FILIP1: variants seen among roughly 807,000 people sequenced by gnomAD.
FILIP1 encodes the protein filamin-A-interacting protein 1.
Under a neutral mutation model 102.1 loss-of-function variants are expected in FILIP1, and 61 were observed. The observed-to-expected ratio is 0.60, with a 90% CI of 0.49 to 0.74. The LOEUF is 0.74. Ranked by LOEUF, FILIP1 falls within the 30% of genes least tolerant of loss-of-function variation. The probability of loss-of-function intolerance (pLI) is 0.00; values close to 1 mark genes in which losing one functional copy is unlikely to be tolerated. For missense variants in FILIP1, 1,314 were observed against 1,441.2 expected (o/e 0.91, Z 1.43); for synonymous variants, 491 against 526.9 (o/e 0.93, Z 0.93).
intron 1 of FILIP1, among the ~76,000 whole-genome samples, chr6:75,435,335 T>G (rs1027626762): frequency 1.3e-5 from 2 of 152,220 alleles, no homozygotes; most frequent in African/African-American, 4.8e-5. Flanking sequence ...TACAGATTTG[T>G]TCACTTTTCT....
At chr6:75,353,799 G>T (rs527691659) in intron 3 of FILIP1, 82 bp from the exon 4 acceptor site, 1 of 1,384,798 alleles carries the variant, frequency 7.2e-7, no homozygotes, top group African/African-American at 1.4e-5. Flanking sequence ...CATGGGTCTA[G>T]TGACTTATTA....
At chr6:75,421,493 C>A (rs1002298940) in intron 1 of FILIP1, among the ~76,000 whole-genome samples, 1 of 152,096 alleles carries the variant, frequency 6.6e-6, no homozygotes, top group Non-Finnish European at 1.5e-5. Flanking sequence ...CCGCAAGATT[C>A]AACCGGATCC....
At chr6:75,315,384 G>T (rs1773409017) in intron 4 of FILIP1, among the ~76,000 whole-genome samples, 182 bp from the exon 5 acceptor site, 1 of 152,126 alleles carries the variant, frequency 6.6e-6, no homozygotes, top group African/African-American at 2.4e-5. Context: ...TACCCTTAGG[G>T]GTAGTGGCTA....
At position 75,438,013 on chromosome 6, in the gene FILIP1, C is replaced by T. The variant is rs1422389454; in HGVS notation, c.-6-23035G>A. Among the ~76,000 whole-genome samples the T allele has an allele frequency of 5.9e-5, 9 of 152,138 alleles. 1 individual carries two copies. The highest frequency in any genetic ancestry group is 7.4e-5 in the Non-Finnish European group (5 of 68,026). ...GCCCTGTGTATCACGGCTGTCTCAG[C>T]CAAACTGCATTGTAACAACTCCTGC... is the stretch of plus-strand genomic sequence containing the variant. On this transcript the variant is annotated intron_variant, in intron 1 of 5. Transcript: ENST00000237172.
At position 75,425,792 on chromosome 6, in the gene FILIP1, T is replaced by C. The variant is rs1777607357; in HGVS notation, c.-6-10814A>G. 2.6e-5 allele frequency among the ~76,000 whole-genome samples: 4 copies of C among 152,134 alleles called. No individual in the cohort carries two copies. The South Asian group carries it at 8.3e-4, about 32-fold the overall frequency. ...TGTGAAATCATAATGCCTGTTCTAC[T>C]CTCCATATGTATGTGAAAGTATTTA... On this transcript the variant is annotated intron_variant, in intron 1 of 5. Transcript: ENST00000237172.
intron 4 of FILIP1, among the ~76,000 whole-genome samples, chr6:75,318,442 C>T (rs1773520216): frequency 6.6e-6 from 1 of 151,868 alleles, no homozygotes; most frequent in South Asian, 2.1e-4. Context: ...CCCGATGTCA[C>T]CTAGGCTGGT....
At chr6:75,440,365 A>G (rs1049236335) in intron 1 of FILIP1, among the ~76,000 whole-genome samples, 7 of 152,218 alleles carry the variant, frequency 4.6e-5, no homozygotes, top group African/African-American at 7.2e-5. Flanking sequence ...TGGCAAATCA[A>G]TTAGGTTTAC....
chr6:75,375,915 T>G (rs946167817), intron 2 of FILIP1, among the ~76,000 whole-genome samples: 5 of 152,178 alleles, frequency 3.3e-5, no homozygotes, highest in African/African-American at 1.2e-4. Context: ...TTCTGAACTT[T>G]TGAGGAATGT....
At chr6:75,355,026 G>C (rs1774943026) in intron 3 of FILIP1, among the ~76,000 whole-genome samples, 1 of 152,184 alleles carries the variant, frequency 6.6e-6, no homozygotes, top group East Asian at 1.9e-4. Context: ...CGGGCGCAAA[G>C]GCTCATGCCC....
chr6:75,326,126 TAC>T lies in FILIP1; in HGVS notation c.630-10926_630-10925del, dbSNP rs766233320. 6.1e-3 allele frequency among the ~76,000 whole-genome samples: 916 copies of T among 149,622 alleles called. 2 individuals are homozygous for T. The highest frequency in any genetic ancestry group is 0.011 in the Admixed American group (167 of 15,070). ...AGATAGATAGAGAGATAGATAGATA[TAC>T]ACACACACACACACACACATCATGA... is the stretch of plus-strand genomic sequence containing the variant. On this transcript the variant is annotated intron_variant, in intron 4 of 5. Coordinates refer to ENST00000237172, the MANE Select transcript of FILIP1 (RefSeq NM_015687.5).
At chr6:75,376,051 A>AT (rs1027283669) in intron 2 of FILIP1, among the ~76,000 whole-genome samples, 1 of 152,218 alleles carries the variant, frequency 6.6e-6, no homozygotes, top group African/African-American at 2.4e-5. Flanking sequence ...CCACTTAAAA[A>AT]ATATATAAGG....
chr6:75,446,876 C>G (rs975302665), intron 1 of FILIP1, among the ~76,000 whole-genome samples: 1 of 152,140 alleles, frequency 6.6e-6, no homozygotes, highest in Non-Finnish European at 1.5e-5. Context: ...CCTGAGCTGG[C>G]TAATTGAGCC....
intron 2 of FILIP1, among the ~76,000 whole-genome samples, chr6:75,404,409 A>G (rs1391603586): frequency 1.3e-5 from 2 of 151,926 alleles, no homozygotes; most frequent in East Asian, 1.9e-4. Context: ...ACTTTCTTAT[A>G]CTATTGTCCT....
intron 2 of FILIP1, among the ~76,000 whole-genome samples, chr6:75,402,895 T>C (rs1776705541): frequency 1.3e-5 from 2 of 152,204 alleles, no homozygotes; most frequent in African/African-American, 4.8e-5. Flanking sequence ...ATTAATCTTA[T>C]GACTGTCTCA....
At chr6:75,378,754 C>A (rs1249398866) in intron 2 of FILIP1, among the ~76,000 whole-genome samples, 1 of 152,106 alleles carries the variant, frequency 6.6e-6, no homozygotes, top group Non-Finnish European at 1.5e-5. Flanking sequence ...AACACAAACA[C>A]CCTCTGTTCC....
At chr6:75,449,520 G>C (rs954005300) in intron 1 of FILIP1, among the ~76,000 whole-genome samples, 3 of 152,088 alleles carry the variant, frequency 2.0e-5, no homozygotes, top group Non-Finnish European at 4.4e-5. Context: ...CTGGACATGT[G>C]CCTGTAATCC....
rs778439393 is a variant in FILIP1 at position 75,308,132 on chromosome 6, C to T, written c.*559G>A. On this transcript the variant is annotated 3_prime_UTR_variant, in exon 6 of 6. Transcript: ENST00000237172. ...ATTTTATTACATGTTCACATTATTTCCTGAAATCATCTTAGAACCTTTTGT... is the reference window on the plus strand; with the variant it reads ...ATTTTATTACATGTTCACATTATTTTCTGAAATCATCTTAGAACCTTTTGT... 1.0e-6 allele frequency: 1 copy of T among 985,886 alleles called. No individual in the cohort carries two copies. Among genetic ancestry groups the T allele is most frequent in the Non-Finnish European group, 1.2e-6 (1 of 830,074 alleles). The allele number at this position is 985,886 out of a possible 1,614,324, so 61.1% of individuals were successfully genotyped here. A position where few individuals can be genotyped will look rare whatever the true frequency, so the allele number is the denominator to read the frequency against.
At chr6:75,300,156 G>C (rs556274213) in intron 6 of FILIP1, among the ~76,000 whole-genome samples, 5 of 152,148 alleles carry the variant, frequency 3.3e-5, no homozygotes, top group African/African-American at 9.6e-5. Flanking sequence ...AGCAAATAAG[G>C]CCACATCACT....
intron 1 of FILIP1, among the ~76,000 whole-genome samples, chr6:75,425,334 A>C (rs1352343659): frequency 1.3e-5 from 2 of 152,210 alleles, no homozygotes; most frequent in African/African-American, 4.8e-5. Context: ...GAACTAATTA[A>C]GGTGCGCTAG....
Sources: allele counts gnomAD v4.1 joint callset (sites outside exome capture counted in the v4.1 genomes callset), GRCh38; gene constraint gnomAD v4.1.1; transcripts MANE v1.5; gene names NCBI Gene and HGNC (gene_info 2026-07-23, HGNC 2026-07-21).